Variants in DBT observed in about 807,000 individuals in gnomAD.
DBT encodes lipoamide acyltransferase component of branched-chain alpha-keto acid dehydrogenase complex, mitochondrial.
Under a neutral mutation model 51.3 loss-of-function variants are expected in DBT, and 40 were observed. That is an observed-to-expected ratio of 0.78 (90% CI 0.61 to 1.02). DBT has a LOEUF of 1.02. DBT is among the 50% of genes least tolerant of loss of function. The pLI, the probability that DBT is intolerant of heterozygous loss-of-function variation, is 0.00. For synonymous variants in DBT, 181 were observed against 190.4 expected, an observed-to-expected ratio of 0.95 and a Z score of 0.41; for missense variants, 510 against 580.2, an observed-to-expected ratio of 0.88 and a Z score of 1.24.
rs546283384 is a variant in DBT at position 100,227,751 on chromosome 1, A to G, written c.433+2982T>C. The stretch of plus-strand genomic sequence containing the variant: ...ATCCTGATGTGAGGCAACATGAAGT[A>G]CAAACATGATCTATGATGTATTCCA... On this transcript the variant is annotated intron_variant, in intron 4 of 10. Coordinates refer to ENST00000370132, the MANE Select transcript of DBT (RefSeq NM_001918.5). 3.9e-5 allele frequency among the ~76,000 whole-genome samples: 6 copies of G among 152,360 alleles called. No individual in the cohort carries two copies. The South Asian group carries it at 1.2e-3, about 32-fold the overall frequency.
At chr1:100,221,747 G>C (rs1221434942) in intron 4 of DBT, among the ~76,000 whole-genome samples, 1 of 152,162 alleles carries the variant, frequency 6.6e-6, no homozygotes, top group African/African-American at 2.4e-5. Context: ...TTCTTATGAA[G>C]CCTGTCAATC....
intron 8 of DBT, among the ~76,000 whole-genome samples, chr1:100,209,774 C>A (rs113590396): frequency 0.026 from 3,946 of 151,982 alleles, 190 homozygotes; most frequent in African/African-American, 0.089. Context: ...GTTGGCCAGG[C>A]TGGTCTCAAA....
At chr1:100,212,573 AAAG>A (rs1246646307) in intron 7 of DBT, among the ~76,000 whole-genome samples, 1 of 152,208 alleles carries the variant, frequency 6.6e-6, no homozygotes, top group African/African-American at 2.4e-5. Flanking sequence ...AAAGGGAGAT[AAAG>A]AAGAATAGTT....
chr1:100,203,903 C>A (rs754750834), intron 10 of DBT, among the ~76,000 whole-genome samples: 1 of 152,124 alleles, frequency 6.6e-6, no homozygotes, highest in African/African-American at 2.4e-5. Context: ...ATTTAACACC[C>A]CTTCATGCTA....
intron 4 of DBT, among the ~76,000 whole-genome samples, chr1:100,225,052 TACACACACACACACACACACAC>T (rs71084808): frequency 1.3e-5 from 1 of 79,034 alleles, no homozygotes; most frequent in Non-Finnish European, 2.5e-5. Context: ...AATATATATA[TACACACACACACACACACACAC>T]ACACACACAC....
rs1434019808 is a variant in DBT at position 100,189,016 on chromosome 1, G to A, written c.*7239C>T. The A allele has an allele frequency of 6.6e-6, 1 of 152,158 alleles. No individual in the cohort carries two copies. The highest frequency in any genetic ancestry group is 1.5e-5 in the Non-Finnish European group (1 of 68,060). 9.4% of individuals were successfully genotyped at this position (152,158 alleles called of 1,614,324 possible). On this transcript the variant is annotated 3_prime_UTR_variant, in exon 11 of 11. Transcript: ENST00000370132. ...ACATCAGAGATTCGTGCTATCTTCAGTGTTTAAGTGGTAATGCCTTTTGTA... is the reference window on the plus strand; with the variant it reads ...ACATCAGAGATTCGTGCTATCTTCAATGTTTAAGTGGTAATGCCTTTTGTA...
At chr1:100,212,049 G>C (rs1383653492) in intron 7 of DBT, among the ~76,000 whole-genome samples, 1 of 152,216 alleles carries the variant, frequency 6.6e-6, no homozygotes, top group Non-Finnish European at 1.5e-5. Flanking sequence ...TGGGATTACA[G>C]TCGTGAGACA....
intron 7 of DBT, chr1:100,211,035 C>G (rs766545142): frequency 5.7e-5 from 44 of 768,354 alleles, no homozygotes; most frequent in Non-Finnish European, 1.0e-4. Flanking sequence ...AATAATGATA[C>G]AGACCAGCCA....
intron 10 of DBT, among the ~76,000 whole-genome samples, chr1:100,201,431 G>A (rs1272702391): frequency 6.6e-6 from 1 of 152,132 alleles, no homozygotes; most frequent in Non-Finnish European, 1.5e-5. Flanking sequence ...CGTTTGATTG[G>A]TGTACCTGAA....
chr1:100,242,539 A>C (rs949531563), intron 1 of DBT, among the ~76,000 whole-genome samples: 1 of 152,198 alleles, frequency 6.6e-6, no homozygotes, highest in Non-Finnish European at 1.5e-5. Context: ...TTATAATATC[A>C]ACATTTTATT....
intron 4 of DBT, among the ~76,000 whole-genome samples, chr1:100,228,867 T>C (rs1663364483): frequency 6.6e-6 from 1 of 152,184 alleles, no homozygotes; most frequent in East Asian, 1.9e-4. Flanking sequence ...GTTAAAAAAA[T>C]ACCTACATGT....
At chr1:100,219,803 T>C (rs1175956829) in intron 4 of DBT, among the ~76,000 whole-genome samples, 1 of 152,130 alleles carries the variant, frequency 6.6e-6, no homozygotes, top group African/African-American at 2.4e-5. Context: ...AACACTTTCC[T>C]GAGATGATAT....
intron 2 of DBT, among the ~76,000 whole-genome samples, chr1:100,237,813 T>A (rs1051305306): frequency 3.3e-5 from 5 of 151,850 alleles, no homozygotes; most frequent in East Asian, 3.9e-4. Context: ...TTAAAAAAAA[T>A]TTTTTATAGA....
chr1:100,201,508 G>A (rs1451676321), intron 10 of DBT, among the ~76,000 whole-genome samples: 2 of 152,038 alleles, frequency 1.3e-5, no homozygotes, highest in African/African-American at 4.8e-5. Context: ...AAACTTCCCC[G>A]AACTAGCAAG....
At chr1:100,218,930 A>AAT in intron 4 of DBT, among the ~76,000 whole-genome samples, 183 bp from the exon 5 acceptor site, 1 of 26,824 alleles carries the variant, frequency 3.7e-5, no homozygotes, top group African/African-American at 8.6e-5. Flanking sequence ...GTATGGGTAG[A>AAT]GTGGGGGGGG....
At chr1:100,206,421 A>G in intron 9 of DBT, 24 bp downstream of exon 9, 1 of 1,582,186 alleles carries the variant, frequency 6.3e-7, no homozygotes, top group African/African-American at 1.3e-5. Context: ...GTAATGGTTT[A>G]TGTATTTCAA....
chr1:100,247,561 T>C (rs1486939515), intron 1 of DBT, among the ~76,000 whole-genome samples: 1 of 151,686 alleles, frequency 6.6e-6, no homozygotes, highest in African/African-American at 2.4e-5. Context: ...TAGCCAGGCA[T>C]GGTGGTTCGC....
intron 4 of DBT, 72 bp from the exon 5 acceptor site, chr1:100,218,819 C>G: frequency 8.1e-7 from 1 of 1,238,698 alleles, no homozygotes; most frequent in Non-Finnish European, 1.2e-6. Context: ...AAAGTAAGGC[C>G]ACTAAGATGT....
At chr1:100,211,200 C>A in intron 7 of DBT, 4 of 745,916 alleles carry the variant, frequency 5.4e-6, no homozygotes, top group Middle Eastern at 2.3e-4. Context: ...GATTTCAAAG[C>A]GCACTGACCA....
Sources: gnomAD v4.1 joint callset for allele counts (sites outside exome capture counted in the v4.1 genomes callset) on GRCh38, gnomAD v4.1.1 for gene constraint, MANE v1.5 for transcripts, NCBI Gene and HGNC (gene_info 2026-07-23, HGNC 2026-07-21) for gene names.